The following SLC24A2 variants were observed in gnomAD, a reference collection of about 807,000 sequenced individuals.
SLC24A2 encodes sodium/potassium/calcium exchanger 2.
A neutral mutation model predicts 62.0 loss-of-function variants in SLC24A2; 36 were observed. The ratio of observed to expected loss-of-function variants is 0.58; its 90% CI spans 0.44 to 0.77. SLC24A2 has a LOEUF of 0.77. Ranked by LOEUF, SLC24A2 falls within the 30% of genes least tolerant of loss-of-function variation. The probability of loss-of-function intolerance (pLI) is 0.00; values close to 1 mark genes in which losing one functional copy is unlikely to be tolerated. For synonymous variants in SLC24A2, 358 were observed against 294.0 expected (o/e 1.22, Z -2.23); for missense variants, 846 against 817.9 (o/e 1.03, Z -0.42).
At chr9:19,833,348 G>A in the SLC24A2 span, among the ~76,000 whole-genome samples, 1 of 152,232 alleles carries the variant, frequency 6.6e-6, no homozygotes, top group Admixed American at 6.5e-5. Flanking sequence ...GGTGACAGAC[G>A]GCACTTGGAA....
At chr9:20,135,287 AT>A in the SLC24A2 span, among the ~76,000 whole-genome samples, 1 of 149,790 alleles carries the variant, frequency 6.7e-6, no homozygotes. Context: ...TTTAAATTTA[AT>A]TTTTAATTAC....
chr9:19,651,200 C>T (rs1479078415), intron 2 of SLC24A2, among the ~76,000 whole-genome samples: 2 of 152,086 alleles, frequency 1.3e-5, no homozygotes, highest in African/African-American at 2.4e-5. Context: ...GTGGAAAGCA[C>T]GTCAGCATTA....
At chr9:19,825,767 T>G in the SLC24A2 span, among the ~76,000 whole-genome samples, 1 of 152,130 alleles carries the variant, frequency 6.6e-6, no homozygotes, top group Non-Finnish European at 1.5e-5. Flanking sequence ...GTTAAGAAGC[T>G]GACAAAGTAA....
At chr9:19,952,010 A>G in the SLC24A2 span, among the ~76,000 whole-genome samples, 1 of 152,046 alleles carries the variant, frequency 6.6e-6, no homozygotes, top group African/African-American at 2.4e-5. Context: ...TCCTTTGGCA[A>G]TGTTTTGTAG....
the SLC24A2 span, among the ~76,000 whole-genome samples, chr9:20,278,450 C>A: frequency 6.6e-6 from 1 of 152,006 alleles, no homozygotes; most frequent in Non-Finnish European, 1.5e-5. Flanking sequence ...TATCAGATAC[C>A]CTAAATCACC....
chr9:20,287,699 A>G, the SLC24A2 span, among the ~76,000 whole-genome samples: 1 of 152,152 alleles, frequency 6.6e-6, no homozygotes, highest in African/African-American at 2.4e-5. Flanking sequence ...ACACCAAAGA[A>G]CCTCACTGGT....
At chr9:20,286,886 TA>T in the SLC24A2 span, among the ~76,000 whole-genome samples, 1 of 152,206 alleles carries the variant, frequency 6.6e-6, no homozygotes, top group South Asian at 2.1e-4. Context: ...TACTAACTCT[TA>T]CCCCAACACT....
At chr9:20,023,559 G>GCC in the SLC24A2 span, among the ~76,000 whole-genome samples, 6 of 152,034 alleles carry the variant, frequency 3.9e-5, no homozygotes, top group East Asian at 7.8e-4. Context: ...CATTCAGAAA[G>GCC]CCCCCCCACC....
At chr9:19,612,069 G>A (rs1837189297) in intron 4 of SLC24A2, among the ~76,000 whole-genome samples, 1 of 152,140 alleles carries the variant, frequency 6.6e-6, no homozygotes. Context: ...TCTATAAAAT[G>A]AGGATAACAG....
chr9:19,519,381 A>G (rs1298480689), intron 10 of SLC24A2, among the ~76,000 whole-genome samples: 2 of 149,142 alleles, frequency 1.3e-5, no homozygotes, highest in African/African-American at 5.0e-5. Flanking sequence ...GTGTGTATGT[A>G]TACAACTTAA....
chr9:19,585,964 G>A (rs1836359466), intron 5 of SLC24A2, among the ~76,000 whole-genome samples: 1 of 152,156 alleles, frequency 6.6e-6, no homozygotes, highest in Admixed American at 6.5e-5. Context: ...TTAGAAATAT[G>A]AACGTGCTTT....
At chr9:20,270,325 T>A in the SLC24A2 span, among the ~76,000 whole-genome samples, 1 of 152,090 alleles carries the variant, frequency 6.6e-6, no homozygotes, top group African/African-American at 2.4e-5. Flanking sequence ...ATAAAGGAGA[T>A]GTCTAGGCTA....
chr9:19,996,645 G>A, the SLC24A2 span, among the ~76,000 whole-genome samples: 1 of 151,764 alleles, frequency 6.6e-6, no homozygotes, highest in Non-Finnish European at 1.5e-5. Context: ...AGGAGGTTGA[G>A]GGAGGAGAAT....
the SLC24A2 span, among the ~76,000 whole-genome samples, chr9:20,066,025 T>G: frequency 6.6e-6 from 1 of 152,122 alleles, no homozygotes; most frequent in Non-Finnish European, 1.5e-5. Flanking sequence ...ACAAATGGCT[T>G]TAGAAAACCT....
At chr9:19,749,432 G>C (rs946079262) in intron 2 of SLC24A2, among the ~76,000 whole-genome samples, 16 of 152,108 alleles carry the variant, frequency 1.1e-4, no homozygotes, top group African/African-American at 3.6e-4. Flanking sequence ...AGACAAAACT[G>C]AGTTTATTGC....
At chr9:20,134,161 A>G in the SLC24A2 span, among the ~76,000 whole-genome samples, 1 of 152,186 alleles carries the variant, frequency 6.6e-6, no homozygotes, top group Non-Finnish European at 1.5e-5. Context: ...TTCCTATAGA[A>G]AAATTGGCAA....
chr9:20,041,431 C>T, the SLC24A2 span, among the ~76,000 whole-genome samples: 3 of 152,348 alleles, frequency 2.0e-5, no homozygotes, highest in Non-Finnish European at 4.4e-5. Context: ...CAAATACTGT[C>T]ACTTACCAAA....
chr9:19,686,183 G>A (rs1178068125), intron 2 of SLC24A2, among the ~76,000 whole-genome samples: 1 of 152,116 alleles, frequency 6.6e-6, no homozygotes, highest in Non-Finnish European at 1.5e-5. Flanking sequence ...TTAATCATTA[G>A]AGAAATGCAA....
the SLC24A2 span, among the ~76,000 whole-genome samples, chr9:20,117,703 G>A: frequency 3.5e-4 from 54 of 152,214 alleles, no homozygotes; most frequent in Middle Eastern, 0.01. Context: ...TGCCAGGTCT[G>A]TTTGATTCCA....
Sources: allele counts gnomAD v4.1 joint callset (sites outside exome capture counted in the v4.1 genomes callset), GRCh38; gene constraint gnomAD v4.1.1; transcripts MANE v1.5; gene names NCBI Gene and HGNC (gene_info 2026-07-23, HGNC 2026-07-21).